Variants in SLC8A3 observed in about 807,000 individuals in gnomAD.
SLC8A3 encodes solute carrier family 8 member A3, also known as sodium/calcium exchanger 3.
A neutral mutation model predicts 65.4 loss-of-function variants in SLC8A3; 37 were observed. The observed-to-expected ratio is 0.57, with a 90% confidence interval of 0.44 to 0.74. The LOEUF is 0.74. Ranked by LOEUF, SLC8A3 falls within the 30% of genes least tolerant of loss-of-function variation. The pLI is 0.00. For missense variants in SLC8A3, 1,112 were observed against 1,172.1 expected, an observed-to-expected ratio of 0.95 and a Z score of 0.75; for synonymous variants, 461 against 444.5, an observed-to-expected ratio of 1.04 and a Z score of -0.47.
intron 2 of SLC8A3, among the ~76,000 whole-genome samples, chr14:70,122,703 A>C (rs373080756): frequency 1.4e-4 from 21 of 152,190 alleles, no homozygotes; most frequent in African/African-American, 5.1e-4. Context: ...AAACAAAAAA[A>C]CGTTCAGAGT....
intron 1 of SLC8A3, among the ~76,000 whole-genome samples, chr14:70,174,651 GTTTTTTTTTTGTTTTTTTT>G (rs1484349238): frequency 0.024 from 2,160 of 90,224 alleles, 62 homozygotes; most frequent in Non-Finnish European, 0.033. Context: ...GACCAAATCC[GTTTTTTTTTTGTTTTTTTT>G]TTTTTTTTTT....
intron 2 of SLC8A3, among the ~76,000 whole-genome samples, chr14:70,068,106 G>T (rs150952): frequency 0.084 from 12,760 of 152,240 alleles, 608 homozygotes; most frequent in Middle Eastern, 0.12. Flanking sequence ...ACATGTCTGG[G>T]CTGCCTGGCT....
chr14:70,079,585 A>G (rs949384733), intron 2 of SLC8A3, among the ~76,000 whole-genome samples: 4 of 152,046 alleles, frequency 2.6e-5, no homozygotes, highest in Non-Finnish European at 5.9e-5. Flanking sequence ...GCTTCTAATC[A>G]CACCCTTTCT....
rs74454332 is a variant in SLC8A3 at position 70,144,257 on chromosome 14, A to G, written c.1784+22382T>C. On this transcript the variant is annotated intron_variant, in intron 2 of 6. Transcript: ENST00000356921. ...TTTCCATTCACCTCCATGTGACACA[A>G]AGAGTTTTTATGGGAAGTAAAACAA... 3.7e-3 allele frequency among the ~76,000 whole-genome samples: 559 copies of G among 150,896 alleles called. 3 individuals are homozygous for G. The highest frequency in any genetic ancestry group is 0.013 in the African/African-American group (521 of 41,078).
chr14:70,069,294 C>T (rs1278254805), intron 2 of SLC8A3, among the ~76,000 whole-genome samples: 1 of 152,134 alleles, frequency 6.6e-6, no homozygotes, highest in African/African-American at 2.4e-5. Context: ...GAGTAGGTGG[C>T]CTCCTAACCC....
At chr14:70,084,195 T>C (rs1301080771) in intron 2 of SLC8A3, among the ~76,000 whole-genome samples, 2 of 152,252 alleles carry the variant, frequency 1.3e-5, no homozygotes, top group African/African-American at 4.8e-5. Flanking sequence ...TCTGTTTTAA[T>C]TAAGGGGTCC....
In SLC8A3 at chr14:70,050,983, A is replaced by G. The variant is rs747174407; in HGVS notation, c.2113+25T>C. On this transcript the variant is annotated intron_variant, in intron 5 of 6. Transcript: ENST00000356921. ...TCAGAGGTTGCCTGCTTCTCCCAGC[A>G]AGGCCAGCCTGAGACACTTCTCACC... The G allele has an allele frequency of 1.1e-5, 17 of 1,518,258 alleles. 1 individual carries two copies. In the South Asian group the frequency reaches 1.8e-4, roughly 16 times the overall value. The allele number at this position is 1,518,258 out of a possible 1,614,324, so 94.0% of individuals were successfully genotyped here.
chr14:70,129,361 A>T (rs1894678020), intron 2 of SLC8A3, among the ~76,000 whole-genome samples: 1 of 152,180 alleles, frequency 6.6e-6, no homozygotes, highest in Non-Finnish European at 1.5e-5. Context: ...CCTCGAAGTT[A>T]CCATTATGGT....
chr14:70,178,955 C>A (rs1882480740), intron 1 of SLC8A3, among the ~76,000 whole-genome samples: 1 of 152,122 alleles, frequency 6.6e-6, no homozygotes, highest in Non-Finnish European at 1.5e-5. Context: ...TGGCACCCCA[C>A]CCCCTACTGA....
At chr14:70,102,031 T>A (rs556932740) in intron 2 of SLC8A3, among the ~76,000 whole-genome samples, 1 of 152,316 alleles carries the variant, frequency 6.6e-6, no homozygotes, top group East Asian at 1.9e-4. Context: ...TATGGGGTTT[T>A]CCTGCAAGTC....
intron 2 of SLC8A3, among the ~76,000 whole-genome samples, chr14:70,110,209 C>G (rs1893185435): frequency 6.6e-6 from 1 of 152,134 alleles, no homozygotes; most frequent in African/African-American, 2.4e-5. Context: ...TAGTTATACT[C>G]AAGTTTTTTA....
At chr14:70,178,792 A>T (rs1442815821) in intron 1 of SLC8A3, among the ~76,000 whole-genome samples, 1 of 152,212 alleles carries the variant, frequency 6.6e-6, no homozygotes, top group Non-Finnish European at 1.5e-5. Context: ...CTGGAGATTT[A>T]ATATTTAATA....
intron 2 of SLC8A3, among the ~76,000 whole-genome samples, chr14:70,145,480 AT>A (rs1483216701): frequency 6.6e-6 from 1 of 152,178 alleles, no homozygotes; most frequent in Non-Finnish European, 1.5e-5. Flanking sequence ...CTGCTGTTTC[AT>A]TTTTTAATGA....
chr14:70,136,211 A>T (rs1895190022), intron 2 of SLC8A3, among the ~76,000 whole-genome samples: 1 of 152,200 alleles, frequency 6.6e-6, no homozygotes, highest in Non-Finnish European at 1.5e-5. Flanking sequence ...CAGGATTGCT[A>T]GCAACCCACT....
intron 2 of SLC8A3, among the ~76,000 whole-genome samples, chr14:70,104,048 C>T (rs1326214910): frequency 2.0e-5 from 3 of 151,978 alleles, no homozygotes; most frequent in East Asian, 1.9e-4. Flanking sequence ...AGGGACATTG[C>T]ATAAATAATA....
chr14:70,045,871 G>A lies in SLC8A3; in HGVS notation c.*76C>T. On this transcript the variant is annotated 3_prime_UTR_variant, in exon 7 of 7. Transcript: ENST00000356921. Reference sequence around the variant, plus strand: ...CCTCTCCAGGGCAGTGCAGTCGGGAGAGATCACTGGTGGGGAAGTGCCCTT... The same window carrying A: ...CCTCTCCAGGGCAGTGCAGTCGGGAAAGATCACTGGTGGGGAAGTGCCCTT... The A allele has an allele frequency of 7.2e-7, 1 of 1,390,904 alleles. No homozygotes were observed. The highest frequency in any genetic ancestry group is 2.6e-4 in the Middle Eastern group (1 of 3,822). The allele number at this position is 1,390,904 out of a possible 1,614,324, so 86.2% of individuals were successfully genotyped here.
intron 3 of SLC8A3, among the ~76,000 whole-genome samples, chr14:70,054,261 G>T (rs998271988): frequency 6.6e-6 from 1 of 151,716 alleles, no homozygotes; most frequent in Admixed American, 6.6e-5. Flanking sequence ...CTTGGGGGTG[G>T]GGGGGTGGTT....
intron 2 of SLC8A3, among the ~76,000 whole-genome samples, chr14:70,112,394 G>A (rs554834795): frequency 4.6e-5 from 7 of 152,304 alleles, no homozygotes; most frequent in Admixed American, 1.3e-4. Flanking sequence ...TTGAGGGGAC[G>A]TACTAGGCAG....
chr14:70,139,969 A>G (rs1895459437), intron 2 of SLC8A3, among the ~76,000 whole-genome samples: 1 of 152,148 alleles, frequency 6.6e-6, no homozygotes. Flanking sequence ...CTTGGTTAAC[A>G]TCAGAGTAGG....
Sources: allele counts gnomAD v4.1 joint callset (sites outside exome capture counted in the v4.1 genomes callset), GRCh38; gene constraint gnomAD v4.1.1; transcripts MANE v1.5; gene names NCBI Gene and HGNC (gene_info 2026-07-23, HGNC 2026-07-21).